The following LOC400499 variants were observed in gnomAD, a reference collection of about 807,000 sequenced individuals.
the LOC400499 span, chr16:11,398,245 G>T: frequency 9.6e-7 from 1 of 1,041,864 alleles, no homozygotes; most frequent in Non-Finnish European, 1.2e-6. Flanking sequence ...GCGTCTGGCT[G>T]CCTCGCTCAC....
the LOC400499 span, among the ~76,000 whole-genome samples, chr16:11,421,795 A>C: frequency 6.6e-6 from 1 of 152,142 alleles, no homozygotes; most frequent in African/African-American, 2.4e-5. Flanking sequence ...AGGGACTACT[A>C]ATGTACTGAT....
chr16:11,422,262 C>T, the LOC400499 span, among the ~76,000 whole-genome samples: 23 of 152,188 alleles, frequency 1.5e-4, no homozygotes, highest in Non-Finnish European at 2.5e-4. Context: ...TTTAGCTGGG[C>T]GTGGTGGTGG....
At chr16:11,376,047 A>C in the LOC400499 span, among the ~76,000 whole-genome samples, 3 of 152,060 alleles carry the variant, frequency 2.0e-5, no homozygotes, top group African/African-American at 7.2e-5. Context: ...CCCTTTGTAC[A>C]TTGTTGAACC....
the LOC400499 span, among the ~76,000 whole-genome samples, chr16:11,445,839 T>C: frequency 9.9e-5 from 15 of 150,952 alleles, no homozygotes; most frequent in East Asian, 2.5e-3. Context: ...AGAACCTTTT[T>C]TTTTTTTTTC....
At chr16:11,508,359 G>A in the LOC400499 span, among the ~76,000 whole-genome samples, 1 of 152,382 alleles carries the variant, frequency 6.6e-6, no homozygotes, top group East Asian at 1.9e-4. Flanking sequence ...TGGGCCATGT[G>A]TTTCTAACTT....
the LOC400499 span, chr16:11,384,430 A>C: frequency 1.8e-6 from 1 of 544,432 alleles, no homozygotes; most frequent in Non-Finnish European, 2.8e-6. Flanking sequence ...CCTGAAGCAC[A>C]CAGAGGAGCA....
the LOC400499 span, among the ~76,000 whole-genome samples, chr16:11,386,448 T>C: frequency 2.0e-5 from 3 of 152,222 alleles, no homozygotes; most frequent in African/African-American, 7.2e-5. Flanking sequence ...ACCAATGTGC[T>C]GCTTAGACAT....
the LOC400499 span, among the ~76,000 whole-genome samples, chr16:11,376,287 C>T: frequency 6.6e-6 from 1 of 151,978 alleles, no homozygotes; most frequent in Non-Finnish European, 1.5e-5. Context: ...AGCTCTCCTA[C>T]TGTGTTTTAA....
At chr16:11,469,331 GC>G in the LOC400499 span, 2 of 399,072 alleles carry the variant, frequency 5.0e-6, no homozygotes, top group Non-Finnish European at 8.8e-6. Context: ...TGGGAGGACT[GC>G]CTGCCCTTTC....
the LOC400499 span, among the ~76,000 whole-genome samples, chr16:11,455,518 TGAGCTCAG>T: frequency 3.9e-5 from 6 of 152,060 alleles, no homozygotes; most frequent in Non-Finnish European, 7.4e-5. Flanking sequence ...GTGGATCACT[TGAGCTCAG>T]GAGTTCAAGA....
At chr16:11,416,486 C>T in the LOC400499 span, among the ~76,000 whole-genome samples, 9 of 152,198 alleles carry the variant, frequency 5.9e-5, no homozygotes, top group Admixed American at 3.3e-4. Flanking sequence ...AACCCTATCT[C>T]ATAGGCTCGT....
chr16:11,478,681 G>A, the LOC400499 span: 3 of 399,186 alleles, frequency 7.5e-6, no homozygotes, highest in Non-Finnish European at 1.3e-5. Flanking sequence ...ACGCCTCCGG[G>A]TCACCTGGGG....
At chr16:11,523,101 C>G in the LOC400499 span, among the ~76,000 whole-genome samples, 3 of 152,208 alleles carry the variant, frequency 2.0e-5, no homozygotes, top group Non-Finnish European at 4.4e-5. Context: ...TTCATCTGCT[C>G]CACTCCAAAA....
chr16:11,413,797 G>T, the LOC400499 span, among the ~76,000 whole-genome samples: 3 of 152,164 alleles, frequency 2.0e-5, no homozygotes, highest in Non-Finnish European at 4.4e-5. Context: ...GAACTCACTC[G>T]ATCCTCACAA....
At chr16:11,423,473 G>A in the LOC400499 span, among the ~76,000 whole-genome samples, 1 of 152,340 alleles carries the variant, frequency 6.6e-6, no homozygotes, top group South Asian at 2.1e-4. Flanking sequence ...GGGCCTCCAC[G>A]CCAGGCACGG....
At chr16:11,375,594 T>G in the LOC400499 span, among the ~76,000 whole-genome samples, 2 of 152,106 alleles carry the variant, frequency 1.3e-5, no homozygotes, top group Non-Finnish European at 2.9e-5. Flanking sequence ...ATTACAGGCG[T>G]GAGCCACTGT....
chr16:11,485,246 A>T, the LOC400499 span, among the ~76,000 whole-genome samples: 1 of 152,070 alleles, frequency 6.6e-6, no homozygotes, highest in African/African-American at 2.4e-5. Context: ...AAATCCACCA[A>T]TCTCTCTGTA....
the LOC400499 span, chr16:11,508,839 G>A: frequency 6.5e-5 from 26 of 399,042 alleles, no homozygotes; most frequent in Middle Eastern, 6.3e-4. Context: ...TGTCTTCATC[G>A]TCTCTATCAT....
At chr16:11,443,817 A>G in the LOC400499 span, among the ~76,000 whole-genome samples, 4 of 147,836 alleles carry the variant, frequency 2.7e-5, no homozygotes, top group African/African-American at 1.0e-4. Flanking sequence ...AGGGGTGGTG[A>G]CTCTTATCTG....
Sources: gnomAD v4.1 joint callset for allele counts (sites outside exome capture counted in the v4.1 genomes callset) on GRCh38, gnomAD v4.1.1 for gene constraint, MANE v1.5 for transcripts.